FRYL: variants seen among roughly 807,000 people sequenced by gnomAD.
The protein encoded by FRYL is FRY like transcription coactivator.
FRYL carries 150 observed loss-of-function variants against 351.2 expected under a neutral mutation model. The ratio of observed to expected loss-of-function variants is 0.43; its 90% CI spans 0.37 to 0.49. The LOEUF (loss-of-function observed/expected upper bound fraction) is 0.49, where lower values mean the gene tolerates loss of function less well. Ranked by LOEUF, FRYL falls within the 20% of genes least tolerant of loss-of-function variation. The pLI, the probability that FRYL is intolerant of heterozygous loss-of-function variation, is 0.00. For missense variants in FRYL, 3,036 were observed against 3,619.3 expected, an observed-to-expected ratio of 0.84 and a Z score of 4.13; for synonymous variants, 1,153 against 1,257.1, an observed-to-expected ratio of 0.92 and a Z score of 1.75.
intron 1 of FRYL, among the ~76,000 whole-genome samples, chr4:48,773,081 T>C (rs1402848536): frequency 6.6e-6 from 1 of 152,174 alleles, no homozygotes; most frequent in African/African-American, 2.4e-5. Context: ...CAGAAGCCTG[T>C]AAAAGTATAA....
chr4:48,667,538 T>A (rs1373769299), intron 3 of FRYL, among the ~76,000 whole-genome samples: 1 of 151,118 alleles, frequency 6.6e-6, no homozygotes, highest in East Asian at 1.9e-4. Context: ...TATAGTAGGA[T>A]CTCAAATCAA....
chr4:48,731,770 T>A (rs1054171791), intron 1 of FRYL, among the ~76,000 whole-genome samples: 4 of 152,088 alleles, frequency 2.6e-5, no homozygotes, highest in African/African-American at 9.7e-5. Context: ...TTATACCTTA[T>A]ACAAAAATCA....
chr4:48,675,173 G>A (rs576041330), intron 3 of FRYL, among the ~76,000 whole-genome samples: 2 of 152,280 alleles, frequency 1.3e-5, no homozygotes, highest in African/African-American at 2.4e-5. Context: ...AGGTGACAGC[G>A]CGCTGGCAGT....
intron 4 of FRYL, among the ~76,000 whole-genome samples, chr4:48,626,016 T>C (rs1174179104): frequency 1.3e-5 from 2 of 152,152 alleles, no homozygotes; most frequent in Admixed American, 6.6e-5. Flanking sequence ...AGATGACATG[T>C]TCTCATCCTT....
intron 60 of FRYL, among the ~76,000 whole-genome samples, chr4:48,503,924 C>T (rs954449222): frequency 7.9e-5 from 12 of 152,112 alleles, no homozygotes; most frequent in African/African-American, 2.9e-4. Context: ...CCTTTCCTCA[C>T]TTCTATTAGC....
intron 1 of FRYL, among the ~76,000 whole-genome samples, chr4:48,769,783 G>T (rs1775325111): frequency 6.6e-6 from 1 of 152,066 alleles, no homozygotes; most frequent in African/African-American, 2.4e-5. Context: ...CAGGTTGGAT[G>T]GTTTTCTAGG....
At chr4:48,719,478 T>A (rs1284529086) in intron 1 of FRYL, among the ~76,000 whole-genome samples, 1 of 151,750 alleles carries the variant, frequency 6.6e-6, no homozygotes, top group Non-Finnish European at 1.5e-5. Flanking sequence ...ATTATTAGTA[T>A]CAAGTATTGT....
At position 48,579,300 on chromosome 4, in the gene FRYL, T is replaced by C. The variant is rs533554222; in HGVS notation, c.2260-59A>G. 3.4e-5 allele frequency: 47 copies of C among 1,391,312 alleles called. No individual in the cohort carries two copies. The African/African-American group carries it at 6.2e-4, about 18-fold the overall frequency. The allele number at this position is 1,391,312 out of a possible 1,614,324, so 86.2% of individuals were successfully genotyped here. ...TTTCAATAACTTTGAAATTTTACCA[T>C]ATAAATTGCTTTAAACTGAAAGTGG... On this transcript the variant is annotated intron_variant, in intron 22 of 63. Coordinates refer to ENST00000358350, the MANE Select transcript of FRYL (RefSeq NM_015030.2).
At chr4:48,599,002 A>C (rs1280923442) in intron 13 of FRYL, 5 of 221,370 alleles carry the variant, frequency 2.3e-5, no homozygotes, top group Non-Finnish European at 3.8e-5. Flanking sequence ...GAAATGTCCA[A>C]GACAGTGGCC....
intron 7 of FRYL, among the ~76,000 whole-genome samples, chr4:48,617,352 T>TC (rs1749709118): frequency 6.6e-6 from 1 of 151,382 alleles, no homozygotes; most frequent in Non-Finnish European, 1.5e-5. Context: ...AAAAGATTTT[T>TC]TTTTTTTTTT....
At chr4:48,764,682 T>G (rs1271792419) in intron 1 of FRYL, among the ~76,000 whole-genome samples, 1 of 152,286 alleles carries the variant, frequency 6.6e-6, no homozygotes, top group East Asian at 1.9e-4. Context: ...TAGAGCTGTA[T>G]GTGAAAGAAA....
At chr4:48,713,666 A>C (rs1397668879) in intron 1 of FRYL, among the ~76,000 whole-genome samples, 1 of 152,172 alleles carries the variant, frequency 6.6e-6, no homozygotes, top group Non-Finnish European at 1.5e-5. Flanking sequence ...CCACACATTA[A>C]TAATGGGAGA....
rs540774031 is a variant in FRYL at position 48,608,440 on chromosome 4, T to C, written c.572+547A>G. 7.9e-5 allele frequency among the ~76,000 whole-genome samples: 12 copies of C among 152,302 alleles called. No homozygotes were observed. The East Asian group carries it at 1.9e-3, about 24-fold the overall frequency. On this transcript the variant is annotated intron_variant, in intron 9 of 63. Coordinates refer to ENST00000358350, the MANE Select transcript of FRYL (RefSeq NM_015030.2). The stretch of plus-strand genomic sequence containing the variant: ...TGTTACAGTAACCACAAGTTGCTAA[T>C]AACAAATATATTTTGCTGTTTACTA...
chr4:48,567,451 G>A lies in FRYL; in HGVS notation c.2997-31C>T. 1 of 1,511,874 alleles carries A rather than the reference G, an allele frequency of 6.6e-7. No homozygotes were observed. Among genetic ancestry groups the A allele is most frequent in the Admixed American group, 2.1e-5 (1 of 47,152 alleles). The allele number at this position is 1,511,874 out of a possible 1,614,324, so 93.7% of individuals were successfully genotyped here. On this transcript the variant is annotated intron_variant, in intron 27 of 63. Transcript: ENST00000358350. The surrounding 1 kb of genome is among the most constrained non-coding windows in gnomAD (Gnocchi z 4.2). ...AATATTGAAGAAAACAAAAGATGAA[G>A]TAAATGGGACTTTATGATTTAAATA...
At chr4:48,651,293 G>C (rs1388336872) in intron 3 of FRYL, among the ~76,000 whole-genome samples, 13 of 25,002 alleles carry the variant, frequency 5.2e-4, no homozygotes, top group African/African-American at 8.0e-4. Flanking sequence ...ATCTCACTGT[G>C]TGTGTGTGTG....
intron 60 of FRYL, among the ~76,000 whole-genome samples, chr4:48,505,102 CTTATA>C (rs1224051791): frequency 1.3e-5 from 2 of 152,012 alleles, no homozygotes; most frequent in African/African-American, 2.4e-5. Flanking sequence ...TTCACTGAGC[CTTATA>C]TTAAAGAAAA....
At chr4:48,713,301 A>C (rs1304516157) in intron 1 of FRYL, among the ~76,000 whole-genome samples, 1 of 152,166 alleles carries the variant, frequency 6.6e-6, no homozygotes. Context: ...GGACTAAATG[A>C]TCCAATTAAA....
chr4:48,749,378 T>A (rs1178653438), intron 1 of FRYL, among the ~76,000 whole-genome samples: 1 of 152,214 alleles, frequency 6.6e-6, no homozygotes, highest in Non-Finnish European at 1.5e-5. Context: ...AGGCAGAATG[T>A]CAGCTATGTT....
chr4:48,610,205 T>C (rs1313706109), intron 7 of FRYL, among the ~76,000 whole-genome samples: 3 of 152,176 alleles, frequency 2.0e-5, no homozygotes, highest in East Asian at 1.9e-4. Flanking sequence ...TAACTCAATT[T>C]TGAACTATCA....
Sources: allele counts gnomAD v4.1 joint callset (sites outside exome capture counted in the v4.1 genomes callset), GRCh38; gene constraint gnomAD v4.1.1; non-coding constraint Gnocchi (gnomAD v3.1); transcripts MANE v1.5; gene names NCBI Gene and HGNC (gene_info 2026-07-23, HGNC 2026-07-21).